Variants in SEMA3C observed in about 807,000 individuals in gnomAD.
SEMA3C encodes semaphorin-3C.
A neutral mutation model predicts 89.4 loss-of-function variants in SEMA3C; 47 were observed. The ratio of observed to expected loss-of-function variants is 0.53; its 90% CI spans 0.42 to 0.67. The LOEUF (loss-of-function observed/expected upper bound fraction) is 0.67. Ranked by LOEUF, SEMA3C falls within the 30% of genes least tolerant of loss-of-function variation. SEMA3C has a pLI of 0.00. For synonymous variants in SEMA3C, 310 were observed against 320.2 expected (o/e 0.97, Z 0.34); for missense variants, 839 against 929.1 (o/e 0.90, Z 1.26).
chr7:80,889,196 C>T (rs538936603), intron 2 of SEMA3C, among the ~76,000 whole-genome samples: 49 of 152,250 alleles, frequency 3.2e-4, no homozygotes, highest in South Asian at 1.2e-3. Context: ...ATATGAATGT[C>T]TTTTTTGTTT....
intron 15 of SEMA3C, among the ~76,000 whole-genome samples, chr7:80,754,957 G>GTTTTTTTTTTGTTTT (rs1449995090): frequency 4.2e-4 from 46 of 108,360 alleles, no homozygotes; most frequent in Non-Finnish European, 4.8e-4. Context: ...GTTTTTTTTT[G>GTTTTTTTTTTGTTTT]TTTTTTTTTT....
chr7:80,756,945 C>T (rs749737368), intron 15 of SEMA3C, among the ~76,000 whole-genome samples: 9 of 152,088 alleles, frequency 5.9e-5, no homozygotes, highest in Non-Finnish European at 1.0e-4. Context: ...TATTTATTAT[C>T]GATCTTTTCT....
At chr7:80,833,074 A>G (rs1310144050) in intron 2 of SEMA3C, among the ~76,000 whole-genome samples, 1 of 152,138 alleles carries the variant, frequency 6.6e-6, no homozygotes, top group Admixed American at 6.6e-5. Context: ...AATAGGCTCA[A>G]CTAAATTTTA....
chr7:80,892,229 T>G lies in SEMA3C; in HGVS notation c.103+24450A>C, dbSNP rs192901331. 4.6e-5 allele frequency among the ~76,000 whole-genome samples: 7 copies of G among 152,248 alleles called. No homozygotes were observed. The East Asian group carries it at 1.3e-3, about 29-fold the overall frequency. The stretch of plus-strand genomic sequence containing the variant: ...CAAATTGACTAGGATCATTTTGACA[T>G]TTATCCTGCAGTTCTCTATAATGTT... On this transcript the variant is annotated intron_variant, in intron 2 of 17. Transcript: ENST00000265361.
chr7:80,922,339 CTTT>C, upstream of SEMA3C: 1 of 1,255,026 alleles, frequency 8.0e-7, no homozygotes, highest in Non-Finnish European at 1.0e-6. Context: ...ATATGCCATC[CTTT>C]TAAGTTTCCT....
intron 15 of SEMA3C, among the ~76,000 whole-genome samples, chr7:80,756,238 C>A (rs1788062607): frequency 6.6e-6 from 1 of 152,194 alleles, no homozygotes; most frequent in African/African-American, 2.4e-5. Flanking sequence ...GTTCTGACAA[C>A]TTGGATCATT....
Position 80,844,604 on chromosome 7 carries a change from C to T in SEMA3C, c.104-15859G>A, listed in dbSNP as rs1225278794. ...AAGCAGAGCAGTTCCAGGTACATTA[C>T]ATTGCTCAGAAAATATTGACTGTGA... On this transcript the variant is annotated intron_variant, in intron 2 of 17. Coordinates refer to ENST00000265361, the MANE Select transcript of SEMA3C (RefSeq NM_006379.5). Among the ~76,000 whole-genome samples the T allele has an allele frequency of 2.0e-5, 3 of 152,220 alleles. No individual in the cohort carries two copies. In the East Asian group the frequency reaches 5.8e-4, roughly 29 times the overall value.
intron 12 of SEMA3C, among the ~76,000 whole-genome samples, chr7:80,769,602 T>C (rs775320185): frequency 3.3e-5 from 5 of 152,132 alleles, no homozygotes; most frequent in Non-Finnish European, 7.4e-5. Flanking sequence ...CTCACGCCTG[T>C]AATCCCAGCC....
chr7:80,868,799 C>A (rs1790989952), intron 2 of SEMA3C, among the ~76,000 whole-genome samples: 1 of 151,996 alleles, frequency 6.6e-6, no homozygotes, highest in Non-Finnish European at 1.5e-5. Context: ...TTATACAGCC[C>A]ATTACTGAGG....
intron 2 of SEMA3C, among the ~76,000 whole-genome samples, chr7:80,903,371 T>A (rs996667262): frequency 6.6e-6 from 1 of 151,998 alleles, no homozygotes; most frequent in African/African-American, 2.4e-5. Context: ...AGTATAATAA[T>A]CTTATGGGGC....
rs61621477 is a variant in SEMA3C, at chr7:80,863,339, T to TAA, written c.104-34596_104-34595dup. On this transcript the variant is annotated intron_variant, in intron 2 of 17. Coordinates refer to ENST00000265361, the MANE Select transcript of SEMA3C (RefSeq NM_006379.5). ...GCAAGAATGGCCATAATCAAAATATTAAAAAAAAAAAAAAACAGTAGATGT... is the reference window on the plus strand; with the variant it reads ...GCAAGAATGGCCATAATCAAAATATTAAAAAAAAAAAAAAAAACAGTAGATGT... 1.1e-3 allele frequency among the ~76,000 whole-genome samples: 135 copies of TAA among 128,146 alleles called. 1 individual carries two copies. Among genetic ancestry groups the TAA allele is most frequent in the African/African-American group, 2.8e-3 (100 of 35,632 alleles). 84.1% of individuals were successfully genotyped at this position (128,146 alleles called of 152,430 possible). A position where few individuals can be genotyped will look rare whatever the true frequency, so the allele number is the denominator to read the frequency against.
upstream of SEMA3C, among the ~76,000 whole-genome samples, chr7:80,919,926 T>TA (rs1436807592): frequency 6.6e-6 from 1 of 152,150 alleles, no homozygotes. Flanking sequence ...TGTATCCTTT[T>TA]AATGGGTATT....
intron 11 of SEMA3C, chr7:80,793,597 C>A: frequency 2.6e-6 from 1 of 380,966 alleles, no homozygotes; most frequent in South Asian, 2.1e-5. Flanking sequence ...GGTTTAGGAT[C>A]AATTTCCCTA....
chr7:80,908,900 T>TAA (rs1344760797), intron 2 of SEMA3C, among the ~76,000 whole-genome samples: 1 of 152,204 alleles, frequency 6.6e-6, no homozygotes, highest in Non-Finnish European at 1.5e-5. Context: ...AATCTGTGGT[T>TAA]ATTCATAAAT....
At chr7:80,779,610 T>G (rs1788646924) in intron 12 of SEMA3C, among the ~76,000 whole-genome samples, 1 of 152,228 alleles carries the variant, frequency 6.6e-6, no homozygotes, top group African/African-American at 2.4e-5. Context: ...GTCTTTAATG[T>G]ATCCTCTACA....
chr7:80,831,658 A>G (rs1790010857), intron 2 of SEMA3C, among the ~76,000 whole-genome samples: 1 of 152,226 alleles, frequency 6.6e-6, no homozygotes, highest in Admixed American at 6.5e-5. Flanking sequence ...TTTAAAGTAT[A>G]TAAGCTGAAA....
intron 2 of SEMA3C, among the ~76,000 whole-genome samples, chr7:80,880,481 T>C (rs1026975898): frequency 2.6e-5 from 4 of 152,252 alleles, no homozygotes; most frequent in African/African-American, 7.2e-5. Flanking sequence ...TGATTCTCAC[T>C]ATGTTTAAAA....
intron 12 of SEMA3C, among the ~76,000 whole-genome samples, chr7:80,788,760 T>C (rs182981344): frequency 6.6e-6 from 1 of 152,326 alleles, no homozygotes; most frequent in Non-Finnish European, 1.5e-5. Context: ...GAGTATGTTA[T>C]CTGTCATTAT....
chr7:80,889,310 G>A (rs1324217586), intron 2 of SEMA3C, among the ~76,000 whole-genome samples: 2 of 152,150 alleles, frequency 1.3e-5, no homozygotes, highest in Non-Finnish European at 2.9e-5. Context: ...ATAAGATGTA[G>A]TAAAATTAAA....
Sources: allele counts gnomAD v4.1 joint callset (sites outside exome capture counted in the v4.1 genomes callset), GRCh38; gene constraint gnomAD v4.1.1; transcripts MANE v1.5; gene names NCBI Gene and HGNC (gene_info 2026-07-23, HGNC 2026-07-21).